The following SHROOM3 variants were observed in gnomAD, a reference collection of about 807,000 sequenced individuals.
SHROOM3 encodes protein Shroom3.
In SHROOM3, 47 loss-of-function variants were observed where a neutral mutation model predicts 138.6. The ratio of observed to expected loss-of-function variants is 0.34; its 90% confidence interval spans 0.27 to 0.43. SHROOM3 has a LOEUF of 0.43. SHROOM3 is among the 20% of genes least tolerant of loss of function. SHROOM3 has a pLI of 1.00. For synonymous variants in SHROOM3, 1,062 were observed against 1,063.3 expected (o/e 1.00, Z 0.02); for missense variants, 2,491 against 2,596.5 (o/e 0.96, Z 0.88).
At chr4:76,733,474 T>C (rs1278598839) in intron 4 of SHROOM3, among the ~76,000 whole-genome samples, 1 of 152,188 alleles carries the variant, frequency 6.6e-6, no homozygotes, top group African/African-American at 2.4e-5. Flanking sequence ...TAACTCAAAA[T>C]GTTACAGGCG....
chr4:76,769,045 G>A (rs1722257562), intron 9 of SHROOM3, among the ~76,000 whole-genome samples: 1 of 151,990 alleles, frequency 6.6e-6, no homozygotes. Flanking sequence ...TGCTGATACT[G>A]AAATAGTACA....
chr4:76,548,125 G>C (rs914730203), intron 1 of SHROOM3, among the ~76,000 whole-genome samples: 1 of 152,202 alleles, frequency 6.6e-6, no homozygotes, highest in African/African-American at 2.4e-5. Context: ...TTCCCTGGGG[G>C]AAAAGCATTC....
intron 2 of SHROOM3, among the ~76,000 whole-genome samples, chr4:76,578,631 A>T (rs1292157562): frequency 6.6e-6 from 1 of 152,200 alleles, no homozygotes; most frequent in Non-Finnish European, 1.5e-5. Context: ...CTCATTTATG[A>T]TGTAGACCCA....
At chr4:76,696,214 G>T (rs1719722078) in intron 2 of SHROOM3, among the ~76,000 whole-genome samples, 1 of 152,190 alleles carries the variant, frequency 6.6e-6, no homozygotes, top group Non-Finnish European at 1.5e-5. Flanking sequence ...CTTTTAGTCT[G>T]ACTCACAATA....
chr4:76,710,376 AG>A, intron 3 of SHROOM3, 89 bp downstream of exon 3: 1 of 1,480,506 alleles, frequency 6.8e-7, no homozygotes, highest in Non-Finnish European at 9.3e-7. Context: ...GTCGGGGGCA[AG>A]GATGGTCAGG....
At chr4:76,641,880 G>T (rs1365293080) in intron 2 of SHROOM3, among the ~76,000 whole-genome samples, 5 of 152,186 alleles carry the variant, frequency 3.3e-5, no homozygotes, top group Non-Finnish European at 7.3e-5. Context: ...TAGAAAGGAA[G>T]ATGGAAATAT....
intron 2 of SHROOM3, among the ~76,000 whole-genome samples, chr4:76,684,845 G>A (rs1281743663): frequency 6.6e-6 from 1 of 152,290 alleles, no homozygotes; most frequent in Non-Finnish European, 1.5e-5. Flanking sequence ...AAATTATAGA[G>A]TTTTCCTCCT....
rs1390418875 is a variant in SHROOM3 at position 76,754,967 on chromosome 4, G to A, written c.4484G>A (p.Arg1495Gln). Reference sequence around the variant, plus strand: ...CTCCGAATATCTGAGTCTGTCCTGCGGGACTCCCCGCCACCTCATGAGGAT... The same window carrying A: ...CTCCGAATATCTGAGTCTGTCCTGCAGGACTCCCCGCCACCTCATGAGGAT... The part of the protein sequence containing the change: ...ISLRISESVL[R>Q]DSPPPHEDYE... The change falls in exon 7 of 11, where the codon CGG becomes CAG. Residue 1495 changes from arginine to glutamine, a missense_variant. Physicochemically the swap from Arg to Gln is conservative, Grantham distance 43. Coordinates refer to ENST00000296043, the MANE Select transcript of SHROOM3 (RefSeq NM_020859.4). The A allele has an allele frequency of 9.3e-6, 15 of 1,614,130 alleles. No homozygotes were observed. The highest frequency in any genetic ancestry group is 2.7e-5 in the African/African-American group (2 of 75,036).
At position 76,508,950 on chromosome 4, in the gene SHROOM3, G is replaced by A. The variant is rs576787277; in HGVS notation, c.169-46659G>A. On this transcript the variant is annotated intron_variant, in intron 1 of 10. Coordinates refer to ENST00000296043, the MANE Select transcript of SHROOM3 (RefSeq NM_020859.4). The stretch of plus-strand genomic sequence containing the variant: ...TGCTTGACTTTACATGGTGGAAGGC[G>A]GAAGGACAAAGGAATAGAGCCCTTC... Among the ~76,000 whole-genome samples the A allele has an allele frequency of 4.5e-4, 68 of 152,208 alleles. 1 individual carries two copies. In the South Asian group the frequency reaches 0.011, roughly 25 times the overall value.
chr4:76,720,606 ATTCT>A (rs1302977015), intron 3 of SHROOM3, among the ~76,000 whole-genome samples: 2 of 149,270 alleles, frequency 1.3e-5, no homozygotes, highest in African/African-American at 2.5e-5. Context: ...CTCTCCCTGA[ATTCT>A]TTCTTTTTTT....
At chr4:76,718,739 G>A (rs997479901) in intron 3 of SHROOM3, among the ~76,000 whole-genome samples, 1 of 152,180 alleles carries the variant, frequency 6.6e-6, no homozygotes. Context: ...TTTGTTTAAT[G>A]GAGTGGTGTT....
intron 2 of SHROOM3, among the ~76,000 whole-genome samples, chr4:76,635,041 G>C (rs906011400): frequency 6.6e-6 from 1 of 152,112 alleles, no homozygotes; most frequent in Non-Finnish European, 1.5e-5. Flanking sequence ...GATACTGCAG[G>C]GGCCAGAAGA....
intron 2 of SHROOM3, among the ~76,000 whole-genome samples, chr4:76,640,542 G>A (rs1056725673): frequency 6.6e-6 from 1 of 152,198 alleles, no homozygotes; most frequent in African/African-American, 2.4e-5. Context: ...AATCACAGAA[G>A]CAGAAAAGCC....
intron 2 of SHROOM3, chr4:76,559,293 A>T (rs556595245): frequency 6.6e-6 from 1 of 152,124 alleles, no homozygotes; most frequent in Non-Finnish European, 1.5e-5. Context: ...CCTTGCAGAG[A>T]TCCGGGTAGA....
Position 76,600,847 on chromosome 4 carries a change from T to C in SHROOM3, c.323+45084T>C, listed in dbSNP as rs543918734. 2.0e-4 allele frequency among the ~76,000 whole-genome samples: 31 copies of C among 152,326 alleles called. No individual in the cohort carries two copies. The South Asian group carries it at 3.5e-3, about 17-fold the overall frequency. On this transcript the variant is annotated intron_variant, in intron 2 of 10. Coordinates refer to ENST00000296043, the MANE Select transcript of SHROOM3 (RefSeq NM_020859.4). The stretch of plus-strand genomic sequence containing the variant: ...AGTGGTGAGAATTCAGGAGTTAATA[T>C]TGTAAAAATACCTGAGATAAGAAAT...
At position 76,518,483 on chromosome 4, in the gene SHROOM3, T is replaced by TGC. The variant is rs1560531395; in HGVS notation, c.169-37126_169-37125insGC. 7.3e-3 allele frequency among the ~76,000 whole-genome samples: 1,070 copies of TGC among 146,288 alleles called. 17 individuals are homozygous for TGC. In the East Asian group the frequency reaches 0.079, roughly 11 times the overall value. ...CTCCCCCCTCCTTCCTTTTTGCCTG[T>TGC]CTGCCTGCCTGCCTTCCTTCCTTCC... On this transcript the variant is annotated intron_variant, in intron 1 of 10. Transcript: ENST00000296043.
chr4:76,658,004 G>C (rs16996461), intron 2 of SHROOM3, among the ~76,000 whole-genome samples: 24,813 of 152,146 alleles, frequency 0.16, 2,206 homozygotes, highest in East Asian at 0.28. Context: ...ATAAGCCAGG[G>C]CAAATCACTT....
At position 76,536,527 on chromosome 4, in the gene SHROOM3, C is replaced by G. The variant is rs559886488; in HGVS notation, c.169-19082C>G. 3.5e-4 allele frequency among the ~76,000 whole-genome samples: 53 copies of G among 152,244 alleles called. 2 individuals are homozygous for G. The South Asian group carries it at 0.01, about 30-fold the overall frequency. ...CCAAGGTTAGGTTTTAAAGGTAGGA[C>G]TTTTTAATCAGACAGCTGACTCTAG... On this transcript the variant is annotated intron_variant, in intron 1 of 10. Coordinates refer to ENST00000296043, the MANE Select transcript of SHROOM3 (RefSeq NM_020859.4).
chr4:76,470,935 G>A (rs1244926307), intron 1 of SHROOM3, among the ~76,000 whole-genome samples: 1 of 152,134 alleles, frequency 6.6e-6, no homozygotes, highest in Non-Finnish European at 1.5e-5. Flanking sequence ...AAGTATTAAT[G>A]TAAGTGGTGA....
Sources: gnomAD v4.1 joint callset for allele counts (sites outside exome capture counted in the v4.1 genomes callset) on GRCh38, gnomAD v4.1.1 for gene constraint, MANE v1.5 for transcripts, NCBI Gene and HGNC (gene_info 2026-07-23, HGNC 2026-07-21) for gene names.